The following KIT variants were observed in gnomAD, a reference collection of about 807,000 sequenced individuals.
The protein encoded by KIT is KIT proto-oncogene, receptor tyrosine kinase.
Under a neutral mutation model 105.7 loss-of-function variants are expected in KIT, and 16 were observed. The observed-to-expected ratio is 0.15, with a 90% CI of 0.10 to 0.23. The LOEUF (loss-of-function observed/expected upper bound fraction) is 0.23. Among genes scored for constraint, KIT ranks in the 10% least tolerant of loss-of-function variants. The pLI is 1.00. For synonymous variants in KIT, 438 were observed against 441.1 expected, an observed-to-expected ratio of 0.99 and a Z score of 0.09; for missense variants, 858 against 1,213.8, an observed-to-expected ratio of 0.71 and a Z score of 4.36.
intron 3 of KIT, 100 bp from the exon 4 acceptor site, chr4:54,699,530 G>A (rs1577958355): frequency 7.5e-7 from 1 of 1,332,240 alleles, no homozygotes; most frequent in East Asian, 2.4e-5. Context: ...TTATTTAAAA[G>A]ATGACAAAGT....
At chr4:54,695,895 A>G (rs563277446) in intron 2 of KIT, 114 bp downstream of exon 2, 2 of 1,253,482 alleles carry the variant, frequency 1.6e-6, no homozygotes, top group African/African-American at 3.0e-5. Context: ...GGCTGGGTCT[A>G]GAAGGCCTAA....
At chr4:54,682,573 A>G (rs1719015150) in intron 1 of KIT, among the ~76,000 whole-genome samples, 1 of 151,642 alleles carries the variant, frequency 6.6e-6, no homozygotes, top group Non-Finnish European at 1.5e-5. Context: ...TTACAGGCAC[A>G]TGTCACCATA....
In KIT at chr4:54,727,483, A is replaced by G; in HGVS notation, c.1715A>G (p.Asp572Gly). The G allele has an allele frequency of 6.2e-7, 1 of 1,614,144 alleles. No homozygotes were observed. The highest frequency in any genetic ancestry group is 8.5e-7 in the Non-Finnish European group (1 of 1,180,004). Residue 572 changes from aspartate to glycine, a missense_variant, in exon 11 of 21, where the codon GAC becomes GGC. Physicochemically the swap from Asp to Gly is moderately conservative, Grantham distance 94. Coordinates refer to ENST00000288135, the MANE Select transcript of KIT (RefSeq NM_000222.3). ...EINGNNYVYI[D>G]PTQLPYDHKW... ...AATGGAAACAATTATGTTTACATAG[A>G]CCCAACACAACTTCCTTATGATCAC...
rs779985263 is a variant in KIT at position 54,707,092 on chromosome 4, A to G, written c.926-6A>G. 6 of 1,445,204 alleles carry G rather than the reference A, an allele frequency of 4.2e-6. No individual in the cohort carries two copies. The East Asian group carries it at 6.8e-5, about 16-fold the overall frequency. The allele number at this position is 1,445,204 out of a possible 1,614,324, so 89.5% of individuals were successfully genotyped here. On this transcript the variant is annotated splice_region_variant and splice_polypyrimidine_tract_variant and intron_variant, in intron 5 of 20. Transcript: ENST00000288135. ...GTTTCTTTCTGTCTTATTTCATTCT[A>G]ATTAGATAAAGGATTCATTAATATC... is the stretch of plus-strand genomic sequence containing the variant.
chr4:54,703,508 T>A (rs1019551990), intron 4 of KIT, among the ~76,000 whole-genome samples: 4 of 152,168 alleles, frequency 2.6e-5, no homozygotes, highest in Non-Finnish European at 5.9e-5. Context: ...TTTTTCCCAA[T>A]CGTTAATAAT....
chr4:54,732,310 A>G lies in KIT; in HGVS notation c.2361+312A>G, dbSNP rs182509548. 3.9e-5 allele frequency among the ~76,000 whole-genome samples: 6 copies of G among 152,240 alleles called. No individual in the cohort carries two copies. The East Asian group carries it at 1.2e-3, about 29-fold the overall frequency. ...CTTTTAGGATATAGGATATGTTCCT[A>G]GAGAACAGAATCATTTTATCAGTAA... On this transcript the variant is annotated intron_variant, in intron 16 of 20. Coordinates refer to ENST00000288135, the MANE Select transcript of KIT (RefSeq NM_000222.3).
intron 1 of KIT, among the ~76,000 whole-genome samples, chr4:54,684,674 C>T (rs1176990975): frequency 6.6e-6 from 1 of 152,180 alleles, no homozygotes; most frequent in Non-Finnish European, 1.5e-5. Flanking sequence ...ACCAGCCAGT[C>T]CCCACAGTTG....
chr4:54,683,564 A>G (rs1014537), intron 1 of KIT, among the ~76,000 whole-genome samples: 3,372 of 152,312 alleles, frequency 0.022, 132 homozygotes, highest in African/African-American at 0.077. Context: ...CATCTAATAT[A>G]TACAAATATT....
chr4:54,728,231 C>T (rs750756298), intron 13 of KIT, 110 bp downstream of exon 13: 17 of 788,818 alleles, frequency 2.2e-5, no homozygotes, highest in Non-Finnish European at 3.5e-5. Context: ...GATTTTTTTA[C>T]CCAGACTGTT....
chr4:54,699,069 T>C (rs1720280159), intron 3 of KIT, among the ~76,000 whole-genome samples: 1 of 152,238 alleles, frequency 6.6e-6, no homozygotes, highest in East Asian at 1.9e-4. Flanking sequence ...GAATATTTCG[T>C]TAGCTGGAAG....
intron 1 of KIT, among the ~76,000 whole-genome samples, chr4:54,689,009 A>G (rs889358472): frequency 2.0e-5 from 3 of 152,196 alleles, no homozygotes; most frequent in African/African-American, 7.2e-5. Context: ...CACCACACCC[A>G]CAATGCAGAG....
At chr4:54,719,494 T>G (rs1415087993) in intron 7 of KIT, among the ~76,000 whole-genome samples, 2 of 152,206 alleles carry the variant, frequency 1.3e-5, no homozygotes, top group Non-Finnish European at 2.9e-5. Context: ...ATCTGAAATC[T>G]GCCTACAAGC....
intron 1 of KIT, among the ~76,000 whole-genome samples, chr4:54,671,200 C>T (rs1005740325): frequency 1.3e-4 from 20 of 152,164 alleles, no homozygotes; most frequent in African/African-American, 3.4e-4. Context: ...AAATGAAGGA[C>T]GCCTCAAATT....
chr4:54,734,863 A>G (rs1722829708), intron 17 of KIT, among the ~76,000 whole-genome samples: 1 of 152,168 alleles, frequency 6.6e-6, no homozygotes, highest in East Asian at 1.9e-4. Flanking sequence ...ATACATAGGA[A>G]TACCAAGGAA....
chr4:54,689,174 G>A (rs1719524128), intron 1 of KIT, among the ~76,000 whole-genome samples: 1 of 152,110 alleles, frequency 6.6e-6, no homozygotes, highest in Admixed American at 6.6e-5. Context: ...TTAGTTGAGC[G>A]ACCCATATAA....
intron 14 of KIT, 47 bp downstream of exon 14, chr4:54,729,532 G>T (rs1283606051): frequency 2.5e-6 from 4 of 1,584,568 alleles, no homozygotes; most frequent in Middle Eastern, 3.3e-4. Context: ...GGCAGTTCAT[G>T]GGGTCATAAG....
At chr4:54,696,566 C>G (rs1720082280) in intron 2 of KIT, among the ~76,000 whole-genome samples, 1 of 152,198 alleles carries the variant, frequency 6.6e-6, no homozygotes, top group African/African-American at 2.4e-5. Context: ...GAGGCCTTAT[C>G]CATGGTATTG....
chr4:54,697,141 G>A (rs1047546387), intron 2 of KIT, among the ~76,000 whole-genome samples: 3 of 152,186 alleles, frequency 2.0e-5, no homozygotes, highest in African/African-American at 7.2e-5. Context: ...CTAGACTCAA[G>A]TGACCTACAA....
At chr4:54,717,627 TTC>T (rs1721590732) in intron 7 of KIT, among the ~76,000 whole-genome samples, 1 of 152,186 alleles carries the variant, frequency 6.6e-6, no homozygotes, top group Non-Finnish European at 1.5e-5. Flanking sequence ...AGATTTTCTT[TTC>T]AGTTGAGCCA....
Sources: gnomAD v4.1 joint callset for allele counts (sites outside exome capture counted in the v4.1 genomes callset) on GRCh38, gnomAD v4.1.1 for gene constraint, MANE v1.5 for transcripts, NCBI Gene and HGNC (gene_info 2026-07-23, HGNC 2026-07-21) for gene names.